The following CCR6 variants were observed in gnomAD, a reference collection of about 807,000 sequenced individuals.
CCR6 encodes C-C chemokine receptor type 6.
A neutral mutation model predicts 3.0 loss-of-function variants in CCR6; 2 were observed. The ratio of observed to expected loss-of-function variants is 0.66; its 90% CI spans 0.27 to 2.07. CCR6 has a LOEUF of 2.07. CCR6 is among the 30% of genes most tolerant of loss of function. The pLI, the probability that CCR6 is intolerant of heterozygous loss-of-function variation, is 0.14. For missense variants in CCR6, 322 were observed against 462.8 expected, an observed-to-expected ratio of 0.70 and a Z score of 2.79; for synonymous variants, 193 against 184.3, an observed-to-expected ratio of 1.05 and a Z score of -0.38.
rs748990301 is a variant in CCR6 at position 167,137,328 on chromosome 6, C to T, written c.1098C>T (p.Asn366=). ...ISRQTSETAD[N]DNASSFTM ...GGCAGACCAGTGAGACCGCAGATAA[C>T]GACAATGCGTCGTCCTTCACTATGT... is the stretch of plus-strand genomic sequence containing the variant. The change falls in exon 3 of 3, where the codon AAC becomes AAT. Residue 366 remains asparagine, a synonymous_variant. Coordinates refer to ENST00000341935, the MANE Select transcript of CCR6 (RefSeq NM_031409.4). This position sits in a 1 kb window ranked among gnomAD's most constrained non-coding sequence, Gnocchi z 4.6. 27 of 1,613,162 alleles carry T rather than the reference C, an allele frequency of 1.7e-5. No individual in the cohort carries two copies. Among genetic ancestry groups the T allele is most frequent in the Admixed American group, 5.0e-5 (3 of 59,920 alleles).
Position 167,138,392 on chromosome 6 carries a change from G to C in CCR6, c.*1037G>C, listed in dbSNP as rs1225353097. On this transcript the variant is annotated 3_prime_UTR_variant, in exon 3 of 3. Coordinates refer to ENST00000341935, the MANE Select transcript of CCR6 (RefSeq NM_031409.4). ...TCCGTTTCTTTAATGTGGTTGAAGAGCAATGTGTGGCTGAAGACTTTTGTT... is the reference window on the plus strand; with the variant it reads ...TCCGTTTCTTTAATGTGGTTGAAGACCAATGTGTGGCTGAAGACTTTTGTT... 1 of 151,926 alleles carries C rather than the reference G, an allele frequency of 6.6e-6. No individual in the cohort carries two copies. The highest frequency in any genetic ancestry group is 6.6e-5 in the Admixed American group (1 of 15,244). 9.4% of individuals were successfully genotyped at this position (151,926 alleles called of 1,614,324 possible).
rs1216097684 is a variant in CCR6, at chr6:167,125,593, A to G, written c.-98+2370A>G. Among the ~76,000 whole-genome samples, 3 of 152,354 alleles carry G rather than the reference A, an allele frequency of 2.0e-5. No homozygotes were observed. The East Asian group carries it at 5.8e-4, about 29-fold the overall frequency. On this transcript the variant is annotated intron_variant, in intron 1 of 2. Transcript: ENST00000341935. ...CCAAAAACATGGTTTTCTCTAAGGT[A>G]GAGGCACCGTTGAAGGCCGGGGGGA...
intron 1 of CCR6, among the ~76,000 whole-genome samples, chr6:167,117,718 A>G (rs1010936528): frequency 7.3e-5 from 11 of 151,584 alleles, no homozygotes; most frequent in African/African-American, 2.7e-4. Flanking sequence ...CCCGGCCTCT[A>G]TTTTCTTTTT....
At chr6:167,117,457 C>CCCAGGCTGGAGT (rs1781515714) in intron 1 of CCR6, among the ~76,000 whole-genome samples, 1 of 144,324 alleles carries the variant, frequency 6.9e-6, no homozygotes, top group African/African-American at 2.6e-5. Context: ...CGCTCTGTCG[C>CCCAGGCTGGAGT]CCAGGCTGGA....
intron 1 of CCR6, among the ~76,000 whole-genome samples, chr6:167,114,310 A>G (rs1466316098): frequency 6.6e-6 from 1 of 152,142 alleles, no homozygotes; most frequent in Non-Finnish European, 1.5e-5. Flanking sequence ...TGGGTTATAA[A>G]TCACGTGACT....
At chr6:167,135,474 A>C (rs1041209955) in intron 1 of CCR6, among the ~76,000 whole-genome samples, 1 of 152,160 alleles carries the variant, frequency 6.6e-6, no homozygotes, top group African/African-American at 2.4e-5. Context: ...TGAGAACAGC[A>C]CTCATAGTCA....
At chr6:167,134,207 C>G (rs945622537) in intron 1 of CCR6, among the ~76,000 whole-genome samples, 4 of 151,904 alleles carry the variant, frequency 2.6e-5, no homozygotes, top group Non-Finnish European at 5.9e-5. Context: ...CAGCAGGGTG[C>G]CTTTGGTCTC....
At chr6:167,128,148 C>T (rs1781699043) in intron 1 of CCR6, among the ~76,000 whole-genome samples, 1 of 152,254 alleles carries the variant, frequency 6.6e-6, no homozygotes, top group South Asian at 2.1e-4. Flanking sequence ...GATAATCCAG[C>T]ATGATCTCTG....
chr6:167,136,163 C>A lies in CCR6; in HGVS notation c.9+20C>A. Reference sequence around the variant, plus strand: ...AGCGGGGTAAGATTTTTATTTTTGGCAAGGGGTATAATTTGGGTTCACTGT... The same window carrying A: ...AGCGGGGTAAGATTTTTATTTTTGGAAAGGGGTATAATTTGGGTTCACTGT... On this transcript the variant is annotated intron_variant, in intron 2 of 2. Transcript: ENST00000341935. This position sits in a 1 kb window ranked among gnomAD's most constrained non-coding sequence, Gnocchi z 4.6. 6.2e-7 allele frequency: 1 copy of A among 1,613,374 alleles called. No homozygotes were observed. The highest frequency in any genetic ancestry group is 2.2e-5 in the East Asian group (1 of 44,854).
At chr6:167,115,101 G>C (rs1315887992) in intron 1 of CCR6, 1 of 152,238 alleles carries the variant, frequency 6.6e-6, no homozygotes, top group Non-Finnish European at 1.5e-5. Flanking sequence ...GTTCTGTAAA[G>C]AATCTGTCTC....
upstream of CCR6, among the ~76,000 whole-genome samples, chr6:167,118,751 C>T (rs773391490): frequency 9.3e-4 from 141 of 152,238 alleles, no homozygotes; most frequent in Middle Eastern, 6.8e-3. Flanking sequence ...TGCGTTTTTC[C>T]TCTGAGTTTC....
rs188414355 is a variant in CCR6, at chr6:167,137,302, C to T, written c.1072C>T (p.Arg358Trp). ...CGGGAGGTACTCAGAAAACATTTCT[C>T]GGCAGACCAGTGAGACCGCAGATAA... ...CAGRYSENIS[R>W]QTSETADNDN... Residue 358 changes from arginine to tryptophan, a missense_variant, in exon 3 of 3, where the codon CGG becomes TGG. Physicochemically the swap from Arg to Trp is moderately radical, Grantham distance 101. Coordinates refer to ENST00000341935, the MANE Select transcript of CCR6 (RefSeq NM_031409.4). The surrounding 1 kb of genome is among the most constrained non-coding windows in gnomAD (Gnocchi z 4.6). 9 of 1,613,940 alleles carry T rather than the reference C, an allele frequency of 5.6e-6. No individual in the cohort carries two copies. The highest frequency in any genetic ancestry group is 1.7e-5 in the Admixed American group (1 of 60,010).
chr6:167,125,040 G>T (rs538166274), intron 1 of CCR6, among the ~76,000 whole-genome samples: 1 of 150,666 alleles, frequency 6.6e-6, no homozygotes, highest in South Asian at 2.1e-4. Context: ...GATATAAACA[G>T]GTGTATATAT....
intron 1 of CCR6, among the ~76,000 whole-genome samples, chr6:167,129,824 G>A (rs1457787206): frequency 6.6e-6 from 1 of 151,584 alleles, no homozygotes; most frequent in African/African-American, 2.4e-5. Context: ...ATTCAGGTGG[G>A]GGGTGACAAT....
rs764641900 is a variant in CCR6 at position 167,137,007 on chromosome 6, G to T, written c.777G>T (p.Val259=). 2.2e-5 allele frequency: 35 copies of T among 1,614,062 alleles called. No homozygotes were observed. Among genetic ancestry groups the T allele is most frequent in the Non-Finnish European group, 2.9e-5 (34 of 1,180,052 alleles). ...RHKAIRVIIA[V]VLVFLACQIP... ...AAGCCATCCGTGTAATCATAGCTGT[G>T]GTGCTTGTGTTTCTGGCTTGTCAGA... Residue 259 remains valine, a synonymous_variant, in exon 3 of 3, where the codon GTG becomes GTT. Coordinates refer to ENST00000341935, the MANE Select transcript of CCR6 (RefSeq NM_031409.4). This position sits in a 1 kb window ranked among gnomAD's most constrained non-coding sequence, Gnocchi z 4.6.
chr6:167,115,278 C>A (rs963678306), intron 1 of CCR6: 1 of 152,228 alleles, frequency 6.6e-6, no homozygotes, highest in East Asian at 1.9e-4. Context: ...TGCAGAAGGG[C>A]GAGAGAGGCT....
At chr6:167,133,306 G>T (rs139092668) in intron 1 of CCR6, among the ~76,000 whole-genome samples, 76 of 152,282 alleles carry the variant, frequency 5.0e-4, no homozygotes, top group African/African-American at 1.8e-3. Flanking sequence ...TGTGAGGTAA[G>T]CAGTAAGGAT....
At chr6:167,134,353 A>G (rs551190602) in intron 1 of CCR6, among the ~76,000 whole-genome samples, 10 of 152,216 alleles carry the variant, frequency 6.6e-5, no homozygotes, top group East Asian at 1.9e-4. Flanking sequence ...TGCATACTCT[A>G]AAGCACTCAA....
At chr6:167,120,686 G>C (rs1268086736), upstream of CCR6, among the ~76,000 whole-genome samples, 1 of 152,178 alleles carries the variant, frequency 6.6e-6, no homozygotes, top group Non-Finnish European at 1.5e-5. Context: ...TCTTAGGAAT[G>C]AACTTCTGAT....
Sources: allele counts gnomAD v4.1 joint callset (sites outside exome capture counted in the v4.1 genomes callset), GRCh38; gene constraint gnomAD v4.1.1; non-coding constraint Gnocchi (gnomAD v3.1); transcripts MANE v1.5; gene names NCBI Gene and HGNC (gene_info 2026-07-23, HGNC 2026-07-21).